Variants in HIVEP3 observed in about 807,000 individuals in gnomAD.
HIVEP3 encodes HIVEP zinc finger 3, also known as transcription factor HIVEP3.
Under a neutral mutation model 152.8 loss-of-function variants are expected in HIVEP3, and 49 were observed. That is an observed-to-expected ratio of 0.32 (90% CI 0.26 to 0.41). HIVEP3 has a LOEUF of 0.41. HIVEP3 is among the 10% of genes least tolerant of loss of function. The probability of loss-of-function intolerance (pLI) is 1.00; values close to 1 mark genes in which losing one functional copy is unlikely to be tolerated. For missense variants in HIVEP3, 2,790 were observed against 3,103.3 expected (o/e 0.90, Z 2.40); for synonymous variants, 1,269 against 1,289.0 (o/e 0.98, Z 0.33).
chr1:42,011,280 G>C (rs1024288078), intron 1 of HIVEP3, among the ~76,000 whole-genome samples: 3 of 152,124 alleles, frequency 2.0e-5, no homozygotes, highest in African/African-American at 7.2e-5. Flanking sequence ...AGAGTATCTG[G>C]AAAACCAATA....
intron 1 of HIVEP3, among the ~76,000 whole-genome samples, chr1:41,895,409 G>T (rs1644511594): frequency 6.6e-6 from 1 of 152,174 alleles, no homozygotes; most frequent in African/African-American, 2.4e-5. Flanking sequence ...TCAGATCCAG[G>T]GGGTCCAATG....
At chr1:41,979,489 A>G (rs1380939552) in intron 1 of HIVEP3, among the ~76,000 whole-genome samples, 1 of 152,194 alleles carries the variant, frequency 6.6e-6, no homozygotes, top group Non-Finnish European at 1.5e-5. Flanking sequence ...AAAAAGGCCA[A>G]AGTGCACACT....
chr1:41,960,316 A>C (rs1261915200), intron 1 of HIVEP3, among the ~76,000 whole-genome samples: 2 of 152,232 alleles, frequency 1.3e-5, no homozygotes, highest in Non-Finnish European at 2.9e-5. Context: ...AGAATCCTGC[A>C]GAAGTTATCA....
At position 41,741,493 on chromosome 1, in the gene HIVEP3, C is replaced by T. The variant is rs74071324; in HGVS notation, c.-800-40498G>A. Among the ~76,000 whole-genome samples the T allele has an allele frequency of 9.8e-3, 1,497 of 152,244 alleles. 19 individuals carry two copies. Among genetic ancestry groups the T allele is most frequent in the African/African-American group, 0.033 (1,388 of 41,546 alleles). On this transcript the variant is annotated intron_variant, in intron 1 of 8. Transcript: ENST00000372583. ...ATGGGCCGTGCCGCTGACTAAGCTG[C>T]CCTCGCAGGGTGCACAGTGGAAACA...
At chr1:41,718,712 C>G (rs564075163) in intron 1 of HIVEP3, among the ~76,000 whole-genome samples, 7 of 152,302 alleles carry the variant, frequency 4.6e-5, no homozygotes, top group East Asian at 3.9e-4. Context: ...CTCTCTCCAT[C>G]TCTCCTGTCT....
chr1:41,524,639 G>T, intron 6 of HIVEP3, 96 bp downstream of exon 6: 1 of 1,179,772 alleles, frequency 8.5e-7, no homozygotes, highest in Non-Finnish European at 1.3e-6. Flanking sequence ...CAGGCCCCCT[G>T]CAAAGAGGTC....
chr1:41,956,274 C>T (rs905439542), intron 1 of HIVEP3, among the ~76,000 whole-genome samples: 1 of 152,228 alleles, frequency 6.6e-6, no homozygotes, highest in Admixed American at 6.5e-5. Context: ...CATAAGCACA[C>T]ACTGGAGATG....
chr1:41,569,887 C>T (rs1644226457), intron 5 of HIVEP3, among the ~76,000 whole-genome samples: 1 of 152,204 alleles, frequency 6.6e-6, no homozygotes, highest in Admixed American at 6.5e-5. Context: ...ACCCCTTCAA[C>T]TGGAACAGTA....
At chr1:41,557,771 G>C (rs1221663635) in intron 5 of HIVEP3, among the ~76,000 whole-genome samples, 1 of 152,198 alleles carries the variant, frequency 6.6e-6, no homozygotes, top group African/African-American at 2.4e-5. Context: ...CAGTGGTTTT[G>C]GGGAAGAAAG....
At chr1:41,980,060 G>C (rs1272899972) in intron 1 of HIVEP3, among the ~76,000 whole-genome samples, 1 of 152,174 alleles carries the variant, frequency 6.6e-6, no homozygotes, top group East Asian at 1.9e-4. Context: ...AGAAACAATG[G>C]TATGTATTGG....
intron 2 of HIVEP3, among the ~76,000 whole-genome samples, chr1:41,629,776 C>T (rs759539186): frequency 6.6e-6 from 1 of 152,132 alleles, no homozygotes; most frequent in Non-Finnish European, 1.5e-5. Context: ...AAAAAAACAA[C>T]AGATGCTGGC....
chr1:41,820,991 G>T (rs1473679124), intron 1 of HIVEP3, among the ~76,000 whole-genome samples: 2 of 152,238 alleles, frequency 1.3e-5, no homozygotes, highest in African/African-American at 4.8e-5. Context: ...GTCAGGGAAG[G>T]AAGGTACAGT....
chr1:41,995,191 G>A (rs1356840023), intron 1 of HIVEP3, among the ~76,000 whole-genome samples: 1 of 151,778 alleles, frequency 6.6e-6, no homozygotes, highest in Non-Finnish European at 1.5e-5. Context: ...ATCGCACTAA[G>A]TGGAAGAAAC....
chr1:41,837,088 C>T (rs1204940433), intron 1 of HIVEP3, among the ~76,000 whole-genome samples: 2 of 152,206 alleles, frequency 1.3e-5, no homozygotes, highest in African/African-American at 4.8e-5. Context: ...TTCAATAATT[C>T]CCGCCCAATG....
chr1:41,891,409 T>C (rs1325138274), intron 1 of HIVEP3, among the ~76,000 whole-genome samples: 1 of 152,206 alleles, frequency 6.6e-6, no homozygotes, highest in Non-Finnish European at 1.5e-5. Context: ...CATTTCCCCT[T>C]AACTGTGCTT....
chr1:41,993,527 T>C (rs1249240373), intron 1 of HIVEP3, among the ~76,000 whole-genome samples: 5 of 152,084 alleles, frequency 3.3e-5, no homozygotes, highest in African/African-American at 4.8e-5. Context: ...AGTGGAGAAA[T>C]AGGAACACTT....
intron 5 of HIVEP3, among the ~76,000 whole-genome samples, chr1:41,575,121 C>G (rs1644307402): frequency 6.6e-6 from 1 of 152,208 alleles, no homozygotes; most frequent in African/African-American, 2.4e-5. Flanking sequence ...CCCAAGTGCC[C>G]CATGGGAAAC....
At chr1:42,022,727 C>T (rs1259729032) in intron 1 of HIVEP3, among the ~76,000 whole-genome samples, 1 of 152,132 alleles carries the variant, frequency 6.6e-6, no homozygotes, top group East Asian at 1.9e-4. Flanking sequence ...GAATGAACAG[C>T]AACAGAAGAA....
At chr1:41,885,916 T>C (rs1227591742) in intron 1 of HIVEP3, among the ~76,000 whole-genome samples, 1 of 152,050 alleles carries the variant, frequency 6.6e-6, no homozygotes, top group Non-Finnish European at 1.5e-5. Context: ...GATCCTATTC[T>C]TCCCATTTTA....
Sources: gnomAD v4.1 joint callset for allele counts (sites outside exome capture counted in the v4.1 genomes callset) on GRCh38, gnomAD v4.1.1 for gene constraint, MANE v1.5 for transcripts, NCBI Gene and HGNC (gene_info 2026-07-23, HGNC 2026-07-21) for gene names.